Variants in CNTN4 observed in about 807,000 individuals in gnomAD.
CNTN4 encodes contactin 4.
Under a neutral mutation model 122.5 loss-of-function variants are expected in CNTN4, and 77 were observed. That is an observed-to-expected ratio of 0.63 (90% CI 0.52 to 0.76). The LOEUF (loss-of-function observed/expected upper bound fraction) is 0.76. CNTN4 is among the 30% of genes least tolerant of loss of function. The probability of loss-of-function intolerance (pLI) is 0.00; values close to 1 mark genes in which losing one functional copy is unlikely to be tolerated. For missense variants in CNTN4, 1,256 were observed against 1,259.1 expected (o/e 1.00, Z 0.04); for synonymous variants, 512 against 447.0 (o/e 1.15, Z -1.83).
chr3:2,128,334 T>G (rs2034282580), intron 2 of CNTN4, among the ~76,000 whole-genome samples: 1 of 152,250 alleles, frequency 6.6e-6, no homozygotes, highest in African/African-American at 2.4e-5. Context: ...TAATATTTAT[T>G]GAATACTTAT....
At chr3:2,623,186 C>G (rs560339332) in intron 4 of CNTN4, among the ~76,000 whole-genome samples, 4 of 151,804 alleles carry the variant, frequency 2.6e-5, no homozygotes, top group African/African-American at 9.7e-5. Flanking sequence ...GGTGGGCCTG[C>G]AAATAGTAAA....
rs149761841 is a variant in CNTN4, at chr3:2,258,665, A to G, written c.-144-80513A>G. Among the ~76,000 whole-genome samples, 836 of 152,294 alleles carry G rather than the reference A, an allele frequency of 5.5e-3. 12 individuals are homozygous for G. Among genetic ancestry groups the G allele is most frequent in the African/African-American group, 0.019 (790 of 41,570 alleles). The stretch of plus-strand genomic sequence containing the variant: ...TCCTGAATTGCAAATCCTGTATTCA[A>G]TAATTTCATGCATGCAGCCTATTTC... On this transcript the variant is annotated intron_variant, in intron 2 of 24. Coordinates refer to ENST00000418658, the MANE Select transcript of CNTN4 (RefSeq NM_175607.3).
At chr3:3,021,998 G>A (rs1166825732) in intron 14 of CNTN4, among the ~76,000 whole-genome samples, 2 of 150,876 alleles carry the variant, frequency 1.3e-5, no homozygotes, top group Non-Finnish European at 2.9e-5. Flanking sequence ...GCTGAGGCAG[G>A]CAGATTGCCT....
At chr3:2,715,613 A>T (rs1234608556) in intron 4 of CNTN4, among the ~76,000 whole-genome samples, 1 of 151,432 alleles carries the variant, frequency 6.6e-6, no homozygotes, top group Non-Finnish European at 1.5e-5. Flanking sequence ...TAAACTGGGT[A>T]GTTCGAACTA....
At chr3:2,442,345 A>G (rs2048470848) in intron 3 of CNTN4, among the ~76,000 whole-genome samples, 1 of 152,206 alleles carries the variant, frequency 6.6e-6, no homozygotes, top group African/African-American at 2.4e-5. Flanking sequence ...TGGGAACTGT[A>G]AAGATTTAAG....
At chr3:2,796,725 T>C (rs1197943445) in intron 6 of CNTN4, among the ~76,000 whole-genome samples, 1 of 152,228 alleles carries the variant, frequency 6.6e-6, no homozygotes, top group Non-Finnish European at 1.5e-5. Flanking sequence ...TTACATAAGA[T>C]CCGGTGTTCT....
chr3:2,121,445 C>T (rs2033774283), intron 2 of CNTN4, among the ~76,000 whole-genome samples: 1 of 150,920 alleles, frequency 6.6e-6, no homozygotes, highest in African/African-American at 2.4e-5. Flanking sequence ...TTGCAGTGAG[C>T]CGAGATCACA....
intron 7 of CNTN4, among the ~76,000 whole-genome samples, chr3:2,837,719 TATCTC>T (rs1407248506): frequency 1.3e-5 from 2 of 152,286 alleles, no homozygotes; most frequent in African/African-American, 4.8e-5. Context: ...TTTCCATACT[TATCTC>T]AACTGGGGAA....
intron 4 of CNTN4, among the ~76,000 whole-genome samples, chr3:2,715,395 T>C (rs929078944): frequency 1.3e-5 from 2 of 152,200 alleles, no homozygotes; most frequent in Non-Finnish European, 2.9e-5. Context: ...GGAGTATGAT[T>C]AAGGGCATGG....
intron 4 of CNTN4, among the ~76,000 whole-genome samples, chr3:2,616,451 G>A (rs1266124890): frequency 6.6e-6 from 1 of 152,144 alleles, no homozygotes; most frequent in Non-Finnish European, 1.5e-5. Flanking sequence ...ATGTGCATAT[G>A]TCTTTATAGT....
intron 3 of CNTN4, among the ~76,000 whole-genome samples, chr3:2,464,376 GT>G (rs2075422948): frequency 6.6e-6 from 1 of 152,170 alleles, no homozygotes; most frequent in African/African-American, 2.4e-5. Context: ...TTGGTTTGTT[GT>G]GCAACTAGCA....
At chr3:2,527,609 A>G (rs181721563) in intron 3 of CNTN4, among the ~76,000 whole-genome samples, 1 of 152,302 alleles carries the variant, frequency 6.6e-6, no homozygotes, top group East Asian at 1.9e-4. Context: ...CTTCATCCGT[A>G]AAGCACCTTC....
chr3:2,396,840 C>G (rs2046660477), intron 3 of CNTN4, among the ~76,000 whole-genome samples: 1 of 152,036 alleles, frequency 6.6e-6, no homozygotes, highest in Non-Finnish European at 1.5e-5. Context: ...ATGCAAAAGC[C>G]TCACCTTATC....
intron 4 of CNTN4, among the ~76,000 whole-genome samples, chr3:2,687,221 G>A (rs7631549): frequency 0.67 from 85,354 of 127,062 alleles, 25,148 homozygotes; most frequent in Non-Finnish European, 0.71. Context: ...TCTGCAGTGC[G>A]GCAATAGCCT....
chr3:2,127,143 A>G (rs956486392), intron 2 of CNTN4, among the ~76,000 whole-genome samples: 1 of 152,144 alleles, frequency 6.6e-6, no homozygotes, highest in Non-Finnish European at 1.5e-5. Flanking sequence ...TTAAGTTACC[A>G]TCTTCCCACC....
Position 2,720,794 on chromosome 3 carries a change from T to C in CNTN4, c.56-15421T>C, listed in dbSNP as rs551226131. 2.0e-5 allele frequency among the ~76,000 whole-genome samples: 3 copies of C among 152,330 alleles called. No homozygotes were observed. The South Asian group carries it at 6.2e-4, about 32-fold the overall frequency. On this transcript the variant is annotated intron_variant, in intron 4 of 24. Coordinates refer to ENST00000418658, the MANE Select transcript of CNTN4 (RefSeq NM_175607.3). ...GTGCCAGAAACTAATCTCAGCACTT[T>C]AAATATATTAAGGGATTTAACACTT...
At chr3:2,968,328 C>G (rs1331533607) in intron 13 of CNTN4, among the ~76,000 whole-genome samples, 3 of 151,930 alleles carry the variant, frequency 2.0e-5, no homozygotes, top group Non-Finnish European at 4.4e-5. Flanking sequence ...CGCATCAAAA[C>G]CAAGGAAAAA....
At chr3:2,544,726 C>T (rs1037040757) in intron 3 of CNTN4, among the ~76,000 whole-genome samples, 11 of 149,342 alleles carry the variant, frequency 7.4e-5, no homozygotes, top group South Asian at 2.1e-4. Context: ...TCCCCTTTGT[C>T]GTTTCTAAAT....
At chr3:2,909,235 T>G (rs985357559) in intron 12 of CNTN4, among the ~76,000 whole-genome samples, 3 of 152,114 alleles carry the variant, frequency 2.0e-5, no homozygotes, top group Admixed American at 6.6e-5. Flanking sequence ...TTTACTTAAG[T>G]TGTCATGAAG....
Sources: gnomAD v4.1 joint callset for allele counts (sites outside exome capture counted in the v4.1 genomes callset) on GRCh38, gnomAD v4.1.1 for gene constraint, MANE v1.5 for transcripts, NCBI Gene and HGNC (gene_info 2026-07-23, HGNC 2026-07-21) for gene names.